ANO1: variants seen among roughly 807,000 people sequenced by gnomAD.
ANO1 encodes the protein anoctamin-1.
ANO1 carries 59 observed loss-of-function variants against 124.0 expected under a neutral mutation model. The observed-to-expected ratio is 0.48, with a 90% CI of 0.39 to 0.59. The LOEUF is 0.59. Among genes scored for constraint, ANO1 ranks in the 20% least tolerant of loss-of-function variants. ANO1 has a pLI of 0.00. For missense variants in ANO1, 1,059 were observed against 1,328.0 expected (o/e 0.80, Z 3.15); for synonymous variants, 529 against 532.0 (o/e 0.99, Z 0.08).
At chr11:70,169,090 C>T (rs183710940) in intron 21 of ANO1, among the ~76,000 whole-genome samples, 2 of 152,162 alleles carry the variant, frequency 1.3e-5, no homozygotes, top group African/African-American at 2.4e-5. Context: ...CCTGCAGGGT[C>T]GCTCCTTCCA....
At chr11:70,084,381 C>T (rs2044295021) in intron 1 of ANO1, among the ~76,000 whole-genome samples, 1 of 152,192 alleles carries the variant, frequency 6.6e-6, no homozygotes, top group Non-Finnish European at 1.5e-5. Context: ...CATTGGGTGG[C>T]CATCAGGGTG....
chr11:70,166,879 C>T (rs975856225), intron 20 of ANO1, among the ~76,000 whole-genome samples: 18 of 152,326 alleles, frequency 1.2e-4, no homozygotes, highest in Admixed American at 1.1e-3. Flanking sequence ...GGCGCGGTGG[C>T]TCATGCCTAT....
At chr11:70,002,596 G>A (rs552303982) in intron 1 of ANO1, among the ~76,000 whole-genome samples, 16 of 152,292 alleles carry the variant, frequency 1.1e-4, no homozygotes, top group Admixed American at 7.2e-4. Context: ...CGGTGGCTAC[G>A]TCATCTCAGT....
intron 1 of ANO1, among the ~76,000 whole-genome samples, chr11:70,029,779 A>G (rs1247101791): frequency 6.6e-6 from 1 of 152,134 alleles, no homozygotes; most frequent in Non-Finnish European, 1.5e-5. Flanking sequence ...GCCCTGGGGC[A>G]GGGCCCTTCC....
chr11:70,074,386 G>A (rs548032843), upstream of ANO1, among the ~76,000 whole-genome samples: 2 of 152,278 alleles, frequency 1.3e-5, no homozygotes, highest in African/African-American at 4.8e-5. Context: ...GGGCACCTGT[G>A]TATTTCTATT....
intron 11 of ANO1, among the ~76,000 whole-genome samples, chr11:70,138,956 C>T (rs180903317): frequency 1.1e-4 from 17 of 152,194 alleles, no homozygotes; most frequent in East Asian, 5.8e-4. Flanking sequence ...GAGTAGGCCT[C>T]GGTGTCTCCT....
chr11:70,019,216 A>T (rs1263211679), intron 1 of ANO1, among the ~76,000 whole-genome samples: 1 of 146,548 alleles, frequency 6.8e-6, no homozygotes, highest in Non-Finnish European at 1.5e-5. Flanking sequence ...GCACCTTGGG[A>T]TGCAGGGGAG....
the ANO1 span, among the ~76,000 whole-genome samples, chr11:69,979,893 G>T: frequency 6.6e-6 from 1 of 152,146 alleles, no homozygotes; most frequent in Non-Finnish European, 1.5e-5. Flanking sequence ...GGTCCATCAT[G>T]CCTCCATAGC....
At chr11:69,981,870 G>A (rs782508037), upstream of ANO1, among the ~76,000 whole-genome samples, 5 of 152,206 alleles carry the variant, frequency 3.3e-5, no homozygotes, top group Non-Finnish European at 5.9e-5. Context: ...AAAGAAATGC[G>A]ATTCTGATAC....
At position 70,052,376 on chromosome 11, in the gene ANO1, G is replaced by T. The variant is rs528320394; in HGVS notation, c.59-26166G>T. 2.0e-5 allele frequency among the ~76,000 whole-genome samples: 3 copies of T among 152,076 alleles called. No homozygotes were observed. In the East Asian group the frequency reaches 5.8e-4, roughly 29 times the overall value. On this transcript the variant is annotated intron_variant, in intron 1 of 27. Transcript: ENST00000531349. ...TTCCCTTGAGGGAGTCTTGAGTCTT[G>T]TTGGCCTTTGGCATTTCCACATAAA...
At chr11:70,177,115 G>T (rs10898830) in intron 22 of ANO1, among the ~76,000 whole-genome samples, 19 of 152,076 alleles carry the variant, frequency 1.2e-4, no homozygotes, top group Admixed American at 5.2e-4. Flanking sequence ...TCTCTGGGCC[G>T]GTTGGGCGAT....
At chr11:70,046,052 G>A (rs1857255641) in intron 1 of ANO1, among the ~76,000 whole-genome samples, 1 of 152,158 alleles carries the variant, frequency 6.6e-6, no homozygotes, top group Admixed American at 6.5e-5. Flanking sequence ...GTCTGGCCAT[G>A]ATTCAAGTTA....
chr11:70,143,948 C>T (rs1297700104), intron 11 of ANO1, among the ~76,000 whole-genome samples: 1 of 152,114 alleles, frequency 6.6e-6, no homozygotes, highest in Non-Finnish European at 1.5e-5. Context: ...TTCATGACCT[C>T]AAAGGGAAAC....
intron 1 of ANO1, among the ~76,000 whole-genome samples, chr11:70,002,856 T>C (rs1224984438): frequency 3.9e-5 from 6 of 152,114 alleles, no homozygotes; most frequent in Admixed American, 1.3e-4. Flanking sequence ...CCAAAGTGAG[T>C]TCCAGGCAAA....
At chr11:70,087,344 T>A (rs1287054038) in intron 1 of ANO1, among the ~76,000 whole-genome samples, 1 of 152,238 alleles carries the variant, frequency 6.6e-6, no homozygotes, top group Non-Finnish European at 1.5e-5. Flanking sequence ...TAGTCCCCTG[T>A]TGTACTGTCA....
intron 11 of ANO1, among the ~76,000 whole-genome samples, chr11:70,133,036 T>TGTA (rs1466964264): frequency 6.6e-6 from 1 of 152,064 alleles, no homozygotes; most frequent in Non-Finnish European, 1.5e-5. Flanking sequence ...AGAGACCAGG[T>TGTA]GTAGAGACAG....
chr11:70,114,281 T>C (rs1260180349), intron 7 of ANO1, among the ~76,000 whole-genome samples: 6 of 152,200 alleles, frequency 3.9e-5, no homozygotes. Flanking sequence ...GTGGCAGGTA[T>C]CCTTAGGGAA....
intron 8 of ANO1, among the ~76,000 whole-genome samples, chr11:70,120,209 T>C (rs1056819049): frequency 6.7e-6 from 1 of 149,174 alleles, no homozygotes; most frequent in African/African-American, 2.5e-5. Flanking sequence ...TGTAGGGAAG[T>C]TTAAGCAGGA....
At chr11:69,999,071 GA>G (rs1856331276) in intron 1 of ANO1, among the ~76,000 whole-genome samples, 2 of 151,136 alleles carry the variant, frequency 1.3e-5, no homozygotes, top group African/African-American at 2.4e-5. Flanking sequence ...AAGAAAGAAA[GA>G]AAGAGAGACC....
Sources: gnomAD v4.1 joint callset for allele counts (sites outside exome capture counted in the v4.1 genomes callset) on GRCh38, gnomAD v4.1.1 for gene constraint, MANE v1.5 for transcripts, NCBI Gene and HGNC (gene_info 2026-07-23, HGNC 2026-07-21) for gene names.